Variants in GTF2A1L observed in about 807,000 individuals in gnomAD.
GTF2A1L encodes the protein TFIIA-alpha and beta-like factor.
Under a neutral mutation model 49.7 loss-of-function variants are expected in GTF2A1L, and 48 were observed. The ratio of observed to expected loss-of-function variants is 0.97; its 90% CI spans 0.77 to 1.23. The LOEUF is 1.23. Ranked by LOEUF, GTF2A1L falls within the 50% of genes most tolerant of loss-of-function variation. GTF2A1L has a pLI of 0.00. For missense variants in GTF2A1L, 736 were observed against 564.8 expected (o/e 1.30, Z -3.07); for synonymous variants, 246 against 193.5 (o/e 1.27, Z -2.25).
chr2:48,646,751 T>G lies in GTF2A1L; in HGVS notation c.687T>G (p.Pro229=), dbSNP rs143172773. ...CTGGAAATGAGCATAAAATCGTGCCTGAAGCTTTGTTGTGTCATCAGGAAA... is the reference window on the plus strand; with the variant it reads ...CTGGAAATGAGCATAAAATCGTGCCGGAAGCTTTGTTGTGTCATCAGGAAA... ...VSPGNEHKIV[P]EALLCHQESS... Residue 229 remains proline (P), a synonymous_variant, in exon 6 of 9, where the codon CCT becomes CCG. Coordinates refer to ENST00000403751, the MANE Select transcript of GTF2A1L (RefSeq NM_006872.5). 27 of 1,614,098 alleles carry G rather than the reference T, an allele frequency of 1.7e-5. No homozygotes were observed. Among genetic ancestry groups the G allele is most frequent in the Non-Finnish European group, 2.2e-5 (26 of 1,180,052 alleles).
At chr2:48,643,684 A>G (rs1036206242) in intron 4 of GTF2A1L, among the ~76,000 whole-genome samples, 1 of 149,250 alleles carries the variant, frequency 6.7e-6, no homozygotes. Context: ...GCAAGACCAT[A>G]TTAATACAAT....
At chr2:48,630,016 T>C (rs1018514736) in intron 3 of GTF2A1L, among the ~76,000 whole-genome samples, 1 of 144,530 alleles carries the variant, frequency 6.9e-6, no homozygotes, top group African/African-American at 2.5e-5. Flanking sequence ...TTGGTTACTA[T>C]AGACTTATAG....
intron 5 of GTF2A1L, 67 bp from the exon 6 acceptor site, chr2:48,646,386 T>C: frequency 7.4e-7 from 1 of 1,349,186 alleles, no homozygotes; most frequent in Non-Finnish European, 9.7e-7. Context: ...TTTTTTTTTT[T>C]TTGTGGTGGT....
intron 6 of GTF2A1L, among the ~76,000 whole-genome samples, chr2:48,647,846 A>G (rs1677612315): frequency 1.3e-5 from 2 of 152,114 alleles, no homozygotes. Context: ...ATAAAAATTA[A>G]AAAAATTGCA....
At chr2:48,676,773 A>C (rs1401768447) in intron 8 of GTF2A1L, among the ~76,000 whole-genome samples, 34 of 151,548 alleles carry the variant, frequency 2.2e-4, no homozygotes, top group Admixed American at 2.2e-3. Context: ...TTTTAAAGGG[A>C]AGCTCATGTT....
chr2:48,667,006 T>C (rs1425753839), intron 6 of GTF2A1L, among the ~76,000 whole-genome samples: 1 of 152,068 alleles, frequency 6.6e-6, no homozygotes, highest in Non-Finnish European at 1.5e-5. Flanking sequence ...CTCTGTCACT[T>C]AGGCTGGAGT....
intron 8 of GTF2A1L, among the ~76,000 whole-genome samples, chr2:48,676,409 C>G (rs1310628199): frequency 6.6e-6 from 1 of 151,552 alleles, no homozygotes; most frequent in Non-Finnish European, 1.5e-5. Context: ...TTAGGTATTC[C>G]CAAAATGCTC....
rs756843618 is a variant in GTF2A1L at position 48,669,892 on chromosome 2, A to G, written c.1149A>G (p.Val383=). ...ATATTGACGGGGGAGATCTGAAGGT[A>G]CCTGAAGAAGAAGCTGACAGTATTT... ...LGNIDGGDLK[V]PEEEADSISN... The change falls in exon 7 of 9, where the codon GTA becomes GTG. Residue 383 remains valine, a synonymous_variant. Coordinates refer to ENST00000403751, the MANE Select transcript of GTF2A1L (RefSeq NM_006872.5). 3.1e-6 allele frequency: 5 copies of G among 1,613,994 alleles called. No homozygotes were observed. In the Admixed American group the frequency reaches 5.0e-5, roughly 16 times the overall value.
At chr2:48,624,681 G>T (rs6705189) in intron 3 of GTF2A1L, among the ~76,000 whole-genome samples, 137,047 of 142,756 alleles carry the variant, frequency 0.96, 66,486 homozygotes, top group East Asian at 0.99. Flanking sequence ...TGTGACTTTG[G>T]ATCCTTTCAC....
chr2:48,644,480 T>C (rs1209120155), intron 4 of GTF2A1L, among the ~76,000 whole-genome samples: 2 of 152,234 alleles, frequency 1.3e-5, no homozygotes, highest in Non-Finnish European at 1.5e-5. Flanking sequence ...ATTTTTCTAA[T>C]ATAGTATTCT....
At chr2:48,651,634 A>G (rs908289224) in intron 6 of GTF2A1L, among the ~76,000 whole-genome samples, 7 of 152,276 alleles carry the variant, frequency 4.6e-5, no homozygotes, top group African/African-American at 1.7e-4. Flanking sequence ...CAATAATTCT[A>G]AAAGAAGTCT....
intron 8 of GTF2A1L, among the ~76,000 whole-genome samples, chr2:48,675,203 C>T (rs983770896): frequency 6.6e-6 from 1 of 152,098 alleles, no homozygotes; most frequent in Non-Finnish European, 1.5e-5. Context: ...TTTGTTATGC[C>T]ACTCTGCTAA....
chr2:48,654,741 A>T (rs1678075425), intron 6 of GTF2A1L, among the ~76,000 whole-genome samples: 1 of 152,158 alleles, frequency 6.6e-6, no homozygotes. Flanking sequence ...TGTTAAAAAG[A>T]CTGCCTTGTC....
intron 6 of GTF2A1L, among the ~76,000 whole-genome samples, chr2:48,659,888 C>G (rs1678389644): frequency 6.6e-6 from 1 of 151,998 alleles, no homozygotes; most frequent in Non-Finnish European, 1.5e-5. Context: ...TGTATGGAAA[C>G]TTTAGAATTT....
At position 48,633,355 on chromosome 2, in the gene GTF2A1L, T is replaced by C. The variant is rs143690132; in HGVS notation, c.248-9047T>C. ...GCTGATAAGGTCCGGGTAGATAATC[T>C]TGATGGCAGCTGAAGGGAGATGCGG... On this transcript the variant is annotated intron_variant, in intron 3 of 8. Transcript: ENST00000403751. 332 of 153,514 alleles carry C rather than the reference T, an allele frequency of 2.2e-3. 1 individual carries two copies. The highest frequency in any genetic ancestry group is 2.9e-3 in the Non-Finnish European group (199 of 68,830). The allele number at this position is 153,514 out of a possible 1,614,324, so 9.5% of individuals were successfully genotyped here.
intron 6 of GTF2A1L, 109 bp from the exon 7 acceptor site, chr2:48,669,613 G>C (rs1679055054): frequency 7.4e-7 from 1 of 1,343,464 alleles, no homozygotes; most frequent in East Asian, 2.4e-5. Flanking sequence ...TAAGAGAGAA[G>C]TTTGCTTGAA....
chr2:48,642,323 T>C, intron 3 of GTF2A1L, 79 bp from the exon 4 acceptor site: 1 of 1,333,018 alleles, frequency 7.5e-7, no homozygotes, highest in Admixed American at 2.2e-5. Flanking sequence ...AAAATATTTT[T>C]TAAAAATAAG....
chr2:48,622,077 T>C lies in GTF2A1L; in HGVS notation c.247+787T>C, dbSNP rs144071203. Among the ~76,000 whole-genome samples the C allele has an allele frequency of 1.7e-3, 261 of 152,286 alleles. 3 individuals carry two copies. Among genetic ancestry groups the C allele is most frequent in the African/African-American group, 5.8e-3 (242 of 41,556 alleles). On this transcript the variant is annotated intron_variant, in intron 3 of 8. Coordinates refer to ENST00000403751, the MANE Select transcript of GTF2A1L (RefSeq NM_006872.5). ...GTAGTCTGCAAGAAGTGAGGGTAGA[T>C]TTTGGATTGGATTATCAGTAATAAG...
chr2:48,657,158 A>G (rs1678225437), intron 6 of GTF2A1L, among the ~76,000 whole-genome samples: 1 of 152,176 alleles, frequency 6.6e-6, no homozygotes, highest in Non-Finnish European at 1.5e-5. Context: ...TGACATAGGT[A>G]TATTGCATCA....
Sources: gnomAD v4.1 joint callset for allele counts (sites outside exome capture counted in the v4.1 genomes callset) on GRCh38, gnomAD v4.1.1 for gene constraint, MANE v1.5 for transcripts, NCBI Gene and HGNC (gene_info 2026-07-23, HGNC 2026-07-21) for gene names.